Variants in NEGR1 observed in about 807,000 individuals in gnomAD.
NEGR1 encodes neuronal growth regulator 1, also known as IgLON family member 4.
In NEGR1, 10 loss-of-function variants were observed where a neutral mutation model predicts 40.9. The ratio of observed to expected loss-of-function variants is 0.24; its 90% confidence interval spans 0.15 to 0.42. The LOEUF (loss-of-function observed/expected upper bound fraction) is 0.42. Among genes scored for constraint, NEGR1 ranks in the 10% least tolerant of loss-of-function variants. NEGR1 has a pLI of 1.00. For synonymous variants in NEGR1, 185 were observed against 166.8 expected (o/e 1.11, Z -0.84); for missense variants, 352 against 438.9 (o/e 0.80, Z 1.77).
At chr1:71,997,338 G>T (rs1345630656) in intron 1 of NEGR1, among the ~76,000 whole-genome samples, 1 of 151,854 alleles carries the variant, frequency 6.6e-6, no homozygotes, top group Admixed American at 6.6e-5. Context: ...CTAAATTGTA[G>T]ACACAACAGA....
At chr1:72,229,452 A>G (rs1276436931) in intron 1 of NEGR1, among the ~76,000 whole-genome samples, 1 of 148,988 alleles carries the variant, frequency 6.7e-6, no homozygotes, top group Non-Finnish European at 1.5e-5. Context: ...TAATTATATA[A>G]TAAAATTCAA....
chr1:72,051,020 A>G (rs1442785414), intron 1 of NEGR1, among the ~76,000 whole-genome samples: 1 of 151,466 alleles, frequency 6.6e-6, no homozygotes, highest in Non-Finnish European at 1.5e-5. Flanking sequence ...CAATAAGCTA[A>G]ACTTCGACCC....
At chr1:71,637,032 C>G (rs1473653913) in intron 4 of NEGR1, among the ~76,000 whole-genome samples, 1 of 151,912 alleles carries the variant, frequency 6.6e-6, no homozygotes, top group African/African-American at 2.4e-5. Context: ...TGAAGAGGAC[C>G]AACAGATGTT....
intron 1 of NEGR1, among the ~76,000 whole-genome samples, chr1:72,277,900 T>A (rs1359344329): frequency 1.3e-5 from 2 of 152,160 alleles, no homozygotes; most frequent in Non-Finnish European, 2.9e-5. Flanking sequence ...AATTGATTTT[T>A]ACTGCTATTG....
rs1171607287 is a variant in NEGR1 at position 72,039,064 on chromosome 1, G to C, written c.177-103753C>G. Among the ~76,000 whole-genome samples the C allele has an allele frequency of 2.6e-5, 4 of 151,992 alleles. No individual in the cohort carries two copies. In the East Asian group the frequency reaches 7.7e-4, roughly 29 times the overall value. ...TTACTAGGATCTCTTTAGGTAGCCA[G>C]GTAGGAAATGGCCATTTTAAACCTA... On this transcript the variant is annotated intron_variant, in intron 1 of 6. Coordinates refer to ENST00000357731, the MANE Select transcript of NEGR1 (RefSeq NM_173808.3).
At chr1:72,187,842 A>G (rs1256849667) in intron 1 of NEGR1, among the ~76,000 whole-genome samples, 1 of 151,492 alleles carries the variant, frequency 6.6e-6, no homozygotes, top group Non-Finnish European at 1.5e-5. Flanking sequence ...TGAGACTTAA[A>G]GAAATTCAGT....
intron 2 of NEGR1, among the ~76,000 whole-genome samples, chr1:71,913,168 T>C (rs548271597): frequency 5.5e-4 from 84 of 152,270 alleles, no homozygotes; most frequent in Non-Finnish European, 1.0e-3. Flanking sequence ...CAGGCTGGAG[T>C]GCAGTGGCGC....
chr1:71,694,246 CGTGTGTGT>C (rs143959665), intron 4 of NEGR1, among the ~76,000 whole-genome samples: 2 of 149,302 alleles, frequency 1.3e-5, no homozygotes, highest in African/African-American at 4.9e-5. Flanking sequence ...TTTTTTTTCT[CGTGTGTGT>C]GTGTGTGTGT....
chr1:71,469,285 C>A lies in NEGR1; in HGVS notation c.941-61715G>T, dbSNP rs72932498. Among the ~76,000 whole-genome samples, 671 of 151,832 alleles carry A rather than the reference C, an allele frequency of 4.4e-3. 3 individuals carry two copies. The highest frequency in any genetic ancestry group is 0.016 in the African/African-American group (649 of 41,414). ...TTTATCTAATTTGTCACTTGGACAC[C>A]CATTAAGATAATTTGGTTGTTGCAT... On this transcript the variant is annotated intron_variant, in intron 6 of 6. Coordinates refer to ENST00000357731, the MANE Select transcript of NEGR1 (RefSeq NM_173808.3).
intron 4 of NEGR1, among the ~76,000 whole-genome samples, chr1:71,690,593 CACACACAT>C (rs1457346310): frequency 6.9e-6 from 1 of 143,954 alleles, no homozygotes; most frequent in Non-Finnish European, 1.5e-5. Flanking sequence ...CACACACACA[CACACACAT>C]ATATATATAG....
chr1:72,033,009 A>G (rs1336049972), intron 1 of NEGR1, among the ~76,000 whole-genome samples: 1 of 152,160 alleles, frequency 6.6e-6, no homozygotes, highest in Non-Finnish European at 1.5e-5. Flanking sequence ...AGCAATTCTT[A>G]AAAATTGTAT....
chr1:71,964,562 C>G (rs1646195095), intron 1 of NEGR1, among the ~76,000 whole-genome samples: 1 of 152,110 alleles, frequency 6.6e-6, no homozygotes, highest in Non-Finnish European at 1.5e-5. Flanking sequence ...AGTCACATCC[C>G]TTGCCCTTTG....
chr1:72,221,093 A>G (rs1653998048), intron 1 of NEGR1, among the ~76,000 whole-genome samples: 1 of 152,230 alleles, frequency 6.6e-6, no homozygotes, highest in Non-Finnish European at 1.5e-5. Context: ...CCTCCAAGAA[A>G]TAATCTGTTC....
chr1:72,035,205 G>A (rs1001213704), intron 1 of NEGR1, among the ~76,000 whole-genome samples: 2 of 152,054 alleles, frequency 1.3e-5, no homozygotes, highest in Non-Finnish European at 2.9e-5. Flanking sequence ...GCCGCAAACC[G>A]GAGACCCTCT....
At chr1:71,536,186 A>T (rs1647508013) in intron 6 of NEGR1, among the ~76,000 whole-genome samples, 1 of 151,726 alleles carries the variant, frequency 6.6e-6, no homozygotes, top group Non-Finnish European at 1.5e-5. Flanking sequence ...GATTTTTTCC[A>T]ATTATAACAT....
At chr1:71,670,750 T>C (rs1391635292) in intron 4 of NEGR1, among the ~76,000 whole-genome samples, 1 of 151,554 alleles carries the variant, frequency 6.6e-6, no homozygotes, top group Admixed American at 6.6e-5. Context: ...TCCTCAGCTC[T>C]GGAAAAATTT....
intron 1 of NEGR1, among the ~76,000 whole-genome samples, chr1:72,176,663 G>A (rs1374552097): frequency 3.3e-5 from 5 of 151,868 alleles, no homozygotes; most frequent in Non-Finnish European, 7.4e-5. Context: ...TTGTATGAGG[G>A]GAAACAAACA....
chr1:71,792,121 T>G (rs947257944), intron 2 of NEGR1, among the ~76,000 whole-genome samples: 33 of 152,146 alleles, frequency 2.2e-4, no homozygotes, highest in African/African-American at 7.7e-4. Context: ...GTGTATTCCT[T>G]CTGAGGGCCT....
At chr1:72,199,160 G>GAT (rs1653110662) in intron 1 of NEGR1, among the ~76,000 whole-genome samples, 1 of 146,930 alleles carries the variant, frequency 6.8e-6, no homozygotes. Context: ...CAGAGAGAGA[G>GAT]AGAGAGAGAG....
Sources: allele counts gnomAD v4.1 joint callset (sites outside exome capture counted in the v4.1 genomes callset), GRCh38; gene constraint gnomAD v4.1.1; transcripts MANE v1.5; gene names NCBI Gene and HGNC (gene_info 2026-07-23, HGNC 2026-07-21).